The following HIVEP1 variants were observed in gnomAD, a reference collection of about 807,000 sequenced individuals.
HIVEP1 encodes zinc finger protein 40.
A neutral mutation model predicts 180.0 loss-of-function variants in HIVEP1; 36 were observed. The observed-to-expected ratio is 0.20, with a 90% confidence interval of 0.15 to 0.26. The LOEUF is 0.26. Ranked by LOEUF, HIVEP1 falls within the 10% of genes least tolerant of loss-of-function variation. The probability of loss-of-function intolerance (pLI) is 1.00; values close to 1 mark genes in which losing one functional copy is unlikely to be tolerated. For synonymous variants in HIVEP1, 1,239 were observed against 1,239.0 expected (o/e 1.00, Z 0.00); for missense variants, 3,143 against 3,268.7 (o/e 0.96, Z 0.94).
At position 12,164,659 on chromosome 6, in the gene HIVEP1, T is replaced by TAAAA. The variant is rs1488496158; in HGVS notation, c.*199_*200insAAAA. The stretch of plus-strand genomic sequence containing the variant: ...ATGTTGTATAGACAATTGTGCCTTT[T>TAAAA]AGGAGCTTTATGTTTAGAAACTGTA... On this transcript the variant is annotated 3_prime_UTR_variant, in exon 9 of 9. Coordinates refer to ENST00000379388, the MANE Select transcript of HIVEP1 (RefSeq NM_002114.4). The TAAAA allele has an allele frequency of 4.0e-6, 2 of 505,254 alleles. No homozygotes were observed. Among genetic ancestry groups the TAAAA allele is most frequent in the Non-Finnish European group, 6.9e-6 (2 of 289,270 alleles). 31.3% of individuals were successfully genotyped at this position (505,254 alleles called of 1,614,324 possible).
At chr6:12,085,479 T>G (rs965091476) in intron 2 of HIVEP1, among the ~76,000 whole-genome samples, 1 of 152,142 alleles carries the variant, frequency 6.6e-6, no homozygotes, top group African/African-American at 2.4e-5. Context: ...TGAGCCTTAT[T>G]TATCATCAAA....
At chr6:12,094,340 C>T (rs1694561005) in intron 3 of HIVEP1, among the ~76,000 whole-genome samples, 1 of 151,636 alleles carries the variant, frequency 6.6e-6, no homozygotes, top group South Asian at 2.1e-4. Context: ...ATTTATTTTT[C>T]TTATCTTGCT....
At chr6:12,015,028 T>G (rs985132301) in intron 1 of HIVEP1, among the ~76,000 whole-genome samples, 1 of 152,210 alleles carries the variant, frequency 6.6e-6, no homozygotes. Flanking sequence ...GGTCGTTAGC[T>G]ACAGCTCCTC....
intron 3 of HIVEP1, among the ~76,000 whole-genome samples, chr6:12,108,479 A>G (rs1378453877): frequency 6.6e-6 from 1 of 152,198 alleles, no homozygotes; most frequent in East Asian, 1.9e-4. Flanking sequence ...GCAGGAGCCC[A>G]CGGAGGGGGT....
downstream of HIVEP1, among the ~76,000 whole-genome samples, chr6:12,167,582 G>A (rs201615259): frequency 8.5e-4 from 2 of 2,344 alleles, no homozygotes; most frequent in Admixed American, 8.6e-3. Flanking sequence ...TTATATATAC[G>A]TTATATTACA....
At chr6:12,056,566 TAATTA>T (rs1447538971) in intron 2 of HIVEP1, among the ~76,000 whole-genome samples, 1 of 152,218 alleles carries the variant, frequency 6.6e-6, no homozygotes, top group Non-Finnish European at 1.5e-5. Context: ...GGGATTTGTC[TAATTA>T]GATTATCATA....
intron 4 of HIVEP1, among the ~76,000 whole-genome samples, chr6:12,127,531 A>G (rs1173845329): frequency 6.6e-6 from 1 of 152,232 alleles, no homozygotes; most frequent in Non-Finnish European, 1.5e-5. Flanking sequence ...ATGCATATCT[A>G]GATTTGGAGC....
At chr6:12,185,683 T>G in the HIVEP1 span, among the ~76,000 whole-genome samples, 3 of 152,198 alleles carry the variant, frequency 2.0e-5, no homozygotes, top group South Asian at 6.2e-4. Flanking sequence ...AATAAGCACA[T>G]GAAAATTTGC....
At position 12,163,954 on chromosome 6, in the gene HIVEP1, A is replaced by G. The variant is rs1760581174; in HGVS notation, c.7650A>G (p.Ala2550=). Residue 2550 remains alanine, a synonymous_variant, in exon 9 of 9, where the codon GCA becomes GCG. Transcript: ENST00000379388. ...CAGGTCTCCAGATCTTGAACATAGC[A>G]TTGCCCACCTTAATCCCCTCAGTCA... ...HIPGLQILNI[A]LPTLIPSVSQ... The G allele has an allele frequency of 8.1e-6, 13 of 1,614,078 alleles. No individual in the cohort carries two copies. The South Asian group carries it at 1.1e-4, about 14-fold the overall frequency.
At chr6:12,089,132 T>G in intron 2 of HIVEP1, 52 bp from the exon 3 acceptor site, 1 of 1,000,982 alleles carries the variant, frequency 1.0e-6, no homozygotes, top group Non-Finnish European at 1.6e-6. Context: ...TTTACTGTAC[T>G]CTTATTTGTT....
At chr6:12,130,449 G>T (rs1017324483) in intron 5 of HIVEP1, among the ~76,000 whole-genome samples, 1 of 152,088 alleles carries the variant, frequency 6.6e-6, no homozygotes, top group African/African-American at 2.4e-5. Context: ...GAGGCGGGAG[G>T]ATCATGTGAG....
chr6:12,133,873 G>C (rs1200991506), intron 6 of HIVEP1, among the ~76,000 whole-genome samples: 1 of 152,026 alleles, frequency 6.6e-6, no homozygotes, highest in Non-Finnish European at 1.5e-5. Flanking sequence ...AGCTACCTGG[G>C]AGGCTGAGGC....
At position 12,130,907 on chromosome 6, in the gene HIVEP1, A is replaced by G; in HGVS notation, c.6350A>G (p.His2117Arg). The G allele has an allele frequency of 6.2e-7, 1 of 1,610,934 alleles. No homozygotes were observed. Among genetic ancestry groups the G allele is most frequent in the African/African-American group, 1.3e-5 (1 of 74,982 alleles). ...ACCCATACAGATGTCCGCCCCTACC[A>G]CTGCACTTACTGTAACTTCTCCTTT... Reference protein sequence around the residue: ...IRTHTDVRPYHCTYCNFSFKT... With the variant: ...IRTHTDVRPYRCTYCNFSFKT... Residue 2117 changes from histidine to arginine, a missense_variant, in exon 6 of 9, where the codon CAC becomes CGC. Coordinates refer to ENST00000379388, the MANE Select transcript of HIVEP1 (RefSeq NM_002114.4).
chr6:12,159,558 G>A (rs1021739348), intron 7 of HIVEP1, among the ~76,000 whole-genome samples: 5 of 152,102 alleles, frequency 3.3e-5, no homozygotes, highest in East Asian at 3.9e-4. Context: ...CAGGGTCCTT[G>A]TCTTTTATAA....
intron 3 of HIVEP1, among the ~76,000 whole-genome samples, chr6:12,108,243 G>A (rs938585728): frequency 3.9e-5 from 6 of 152,336 alleles, no homozygotes; most frequent in Admixed American, 6.5e-5. Context: ...GATACAGAGT[G>A]CCGATTGGTG....
upstream of HIVEP1, among the ~76,000 whole-genome samples, chr6:12,011,625 G>C (rs868338337): frequency 2.5e-4 from 37 of 146,326 alleles, no homozygotes; most frequent in South Asian, 7.9e-3. Context: ...CCGTCCCTGC[G>C]GCGGCTCGGC....
chr6:12,012,101 G>GGTCT (rs1329231788), upstream of HIVEP1: 1 of 146,234 alleles, frequency 6.8e-6, no homozygotes, highest in Non-Finnish European at 1.5e-5. Context: ...GCGGCCCCAG[G>GGTCT]GTCTGTCCGC....
chr6:12,177,764 G>T, the HIVEP1 span, among the ~76,000 whole-genome samples: 1 of 152,080 alleles, frequency 6.6e-6, no homozygotes, highest in Non-Finnish European at 1.5e-5. Context: ...GGGAATTTTT[G>T]TGTTTAGTAA....
the HIVEP1 span, among the ~76,000 whole-genome samples, chr6:12,200,417 A>T: frequency 6.6e-6 from 1 of 152,362 alleles, no homozygotes; most frequent in African/African-American, 2.4e-5. Context: ...TGGAGCTGTA[A>T]CACTGCTGCT....
Sources: allele counts gnomAD v4.1 joint callset (sites outside exome capture counted in the v4.1 genomes callset), GRCh38; gene constraint gnomAD v4.1.1; transcripts MANE v1.5; gene names NCBI Gene and HGNC (gene_info 2026-07-23, HGNC 2026-07-21).